The following KRT83 variants were observed in gnomAD, a reference collection of about 807,000 sequenced individuals.
KRT83 encodes the protein keratin, type II cuticular Hb3.
A neutral mutation model predicts 52.9 loss-of-function variants in KRT83; 51 were observed. That is an observed-to-expected ratio of 0.96 (90% confidence interval 0.77 to 1.22). KRT83 has a LOEUF of 1.22. Among genes scored for constraint, KRT83 ranks in the 50% most tolerant of loss-of-function variants. KRT83 has a pLI of 0.00. For synonymous variants in KRT83, 278 were observed against 274.1 expected (o/e 1.01, Z -0.14); for missense variants, 654 against 666.5 (o/e 0.98, Z 0.21).
chr12:52,320,640 A>G (rs1231876555), intron 1 of KRT83, among the ~76,000 whole-genome samples: 1 of 152,204 alleles, frequency 6.6e-6, no homozygotes, highest in East Asian at 1.9e-4. Flanking sequence ...GCATTTAAGC[A>G]GTTATTTGGC....
rs137864022 is a variant in KRT83 at position 52,317,500 on chromosome 12, C to T, written c.750+181G>A. ...CTCCTGCCCCTTACTAAATTTGTTCCTTTTTGGCTTTCCATCCGTTTGCCT... is the reference window on the plus strand; with the variant it reads ...CTCCTGCCCCTTACTAAATTTGTTCTTTTTTGGCTTTCCATCCGTTTGCCT... On this transcript the variant is annotated intron_variant, in intron 4 of 8. Transcript: ENST00000293670. Among the ~76,000 whole-genome samples, 52 of 152,272 alleles carry T rather than the reference C, an allele frequency of 3.4e-4. 1 individual carries two copies. Among genetic ancestry groups the T allele is most frequent in the Middle Eastern group, 3.4e-3 (1 of 294 alleles).
chr12:52,319,543 T>G (rs571096128), intron 1 of KRT83, among the ~76,000 whole-genome samples, 179 bp from the exon 2 acceptor site: 226 of 152,364 alleles, frequency 1.5e-3, no homozygotes, highest in Non-Finnish European at 1.7e-3. Flanking sequence ...ACCTGGAAGT[T>G]CTTCCTGGGA....
rs1321575879 is a variant in KRT83 at position 52,314,837 on chromosome 12, G to A, written c.1295-19C>T. Reference sequence around the variant, plus strand: ...CTGACACCTGTGGGAACAAGGGCAGGGTCAAGAGACCCCTGCTGATGGCCA... The same window carrying A: ...CTGACACCTGTGGGAACAAGGGCAGAGTCAAGAGACCCCTGCTGATGGCCA... On this transcript the variant is annotated intron_variant, in intron 8 of 8. Transcript: ENST00000293670. 2 of 1,592,758 alleles carry A rather than the reference G, an allele frequency of 1.3e-6. No homozygotes were observed. The highest frequency in any genetic ancestry group is 8.5e-7 in the Non-Finnish European group (1 of 1,169,922).
intron 8 of KRT83, among the ~76,000 whole-genome samples, 160 bp from the exon 9 acceptor site, chr12:52,314,978 C>T (rs902817832): frequency 1.3e-5 from 2 of 152,168 alleles, no homozygotes; most frequent in Admixed American, 6.5e-5. Flanking sequence ...GCCAGCAGAC[C>T]GGGGTTCTGG....
At chr12:52,315,493 C>G in intron 7 of KRT83, 150 bp from the exon 8 acceptor site, 5 of 832,564 alleles carry the variant, frequency 6.0e-6, no homozygotes, top group Non-Finnish European at 8.2e-6. Flanking sequence ...GCCTTTCTGG[C>G]AGTTGAAGCA....
At chr12:52,320,917 G>T (rs201780536) in intron 1 of KRT83, 35 bp downstream of exon 1, 154 of 1,613,726 alleles carry the variant, frequency 9.5e-5, no homozygotes, top group Middle Eastern at 6.8e-4. Flanking sequence ...CATGAGTAGG[G>T]GTTCAGGAAG....
rs761917074 is a variant in KRT83 at position 52,316,936 on chromosome 12, C to T, written c.838G>A (p.Val280Ile). The T allele has an allele frequency of 4.3e-6, 7 of 1,614,072 alleles. No homozygotes were observed. The highest frequency in any genetic ancestry group is 1.7e-5 in the Admixed American group (1 of 60,012). Residue 280 changes from valine to isoleucine, a missense_variant, in exon 5 of 9, where the codon GTT (valine) becomes ATT (isoleucine). By Grantham distance (29) the Val-to-Ile change is conservative. Coordinates refer to ENST00000293670, the MANE Select transcript of KRT83 (RefSeq NM_002282.3). ...NSRDLNMDCI[V>I]AEIKAQYDDI... ...TCATACTGTGCCTTGATCTCGGCAA[C>T]GATGCAGTCCATGTTCAGGTCCCGG...
At chr12:52,316,649 G>A (rs1938692734) in intron 5 of KRT83, 56 bp from the exon 6 acceptor site, 3 of 1,613,558 alleles carry the variant, frequency 1.9e-6, no homozygotes, top group Admixed American at 3.3e-5. Flanking sequence ...ATTCATTCAG[G>A]ACAGCTCAGA....
In KRT83 at chr12:52,318,661, G is replaced by A. The variant is rs560654490; in HGVS notation, c.593+495C>T. ...CAGATTCCTTCTGAGGATCCAGTGCGTATTCTTCATACCATATATCACACT... is the reference window on the plus strand; with the variant it reads ...CAGATTCCTTCTGAGGATCCAGTGCATATTCTTCATACCATATATCACACT... On this transcript the variant is annotated intron_variant, in intron 2 of 8. Transcript: ENST00000293670. Among the ~76,000 whole-genome samples, 72 of 152,302 alleles carry A rather than the reference G, an allele frequency of 4.7e-4. 1 individual carries two copies. Among genetic ancestry groups the A allele is most frequent in the African/African-American group, 1.5e-3 (63 of 41,552 alleles).
intron 1 of KRT83, among the ~76,000 whole-genome samples, chr12:52,320,287 A>T (rs1313750208): frequency 3.9e-5 from 6 of 152,132 alleles, no homozygotes; most frequent in Non-Finnish European, 7.3e-5. Flanking sequence ...CTTTTCTCCC[A>T]GTCTCTCACA....
chr12:52,320,308 A>G (rs1354079788), intron 1 of KRT83, among the ~76,000 whole-genome samples: 1 of 152,106 alleles, frequency 6.6e-6, no homozygotes, highest in Non-Finnish European at 1.5e-5. Flanking sequence ...TCACTGCCAC[A>G]TGGTGGTTGC....
chr12:52,316,261 T>C (rs952797739), intron 6 of KRT83, 148 bp from the exon 7 acceptor site: 2 of 810,426 alleles, frequency 2.5e-6, no homozygotes, highest in Non-Finnish European at 3.9e-6. Flanking sequence ...TCACTTACAC[T>C]ACACACACAC....
rs751797447 is a variant in KRT83, at chr12:52,321,140, G to T, written c.196C>A (p.Arg66Ser). 1 of 1,612,280 alleles carries T rather than the reference G, an allele frequency of 6.2e-7. No homozygotes were observed. Among genetic ancestry groups the T allele is most frequent in the Non-Finnish European group, 8.5e-7 (1 of 1,179,838 alleles). ...CGGFRAGSCG[R>S]SFGYRSGGVC... ...CCCCCGGAGCGGTAGCCGAAGCTGC[G>T]TCCGCAGGAGCCGGCGCGGAAGCCC... The change falls in exon 1 of 9, where the codon CGC (arginine) becomes AGC (serine). Residue 66 changes from arginine to serine, a missense_variant. By Grantham distance (110) the Arg-to-Ser change is moderately radical. Coordinates refer to ENST00000293670, the MANE Select transcript of KRT83 (RefSeq NM_002282.3).
At chr12:52,317,808 C>T in intron 3 of KRT83, 32 bp from the exon 4 acceptor site, 5 of 1,613,518 alleles carry the variant, frequency 3.1e-6, no homozygotes, top group Non-Finnish European at 4.2e-6. Flanking sequence ...GTGAGGCCGG[C>T]TTTCCTCAGA....
chr12:52,317,680 C>A lies in KRT83; in HGVS notation c.750+1G>T. The A allele has an allele frequency of 6.2e-7, 1 of 1,612,204 alleles. No individual in the cohort carries two copies. Among genetic ancestry groups the A allele is most frequent in the African/African-American group, 1.3e-5 (1 of 74,996 alleles). On this transcript the variant is annotated splice_donor_variant, in intron 4 of 8. Coordinates refer to ENST00000293670, the MANE Select transcript of KRT83 (RefSeq NM_002282.3). LOFTEE classifies it high-confidence loss of function. ...GCCCACCATGGTTGAGAGCCCCTCA[C>A]CTCCTCGTACAGCCGCCTCAGGAAG...
intron 7 of KRT83, 30 bp downstream of exon 7, chr12:52,315,863 G>A (rs749160349): frequency 1.9e-6 from 3 of 1,612,130 alleles, no homozygotes; most frequent in South Asian, 2.2e-5. Flanking sequence ...GTCTATGCAA[G>A]TGGAGTGCTT....
rs1393404646 is a variant in KRT83, at chr12:52,319,356, G to T, written c.393C>A (p.Phe131Leu). 1 of 1,613,896 alleles carries T rather than the reference G, an allele frequency of 6.2e-7. No individual in the cohort carries two copies. The highest frequency in any genetic ancestry group is 1.7e-5 in the Admixed American group (1 of 59,996). ...CCAGCAGCTTGTTCTGCTGCTCCAG[G>T]AAGCGCACCTGCCACCCAGAGGCAG... ...RFAAFIDKVR[F>L]LEQQNKLLET... The change falls in exon 2 of 9, where the codon TTC (phenylalanine) becomes TTA (leucine). Residue 131 changes from phenylalanine (F) to leucine (L), a missense_variant. Physicochemically the swap from Phe to Leu is conservative, Grantham distance 22. Coordinates refer to ENST00000293670, the MANE Select transcript of KRT83 (RefSeq NM_002282.3).
At chr12:52,318,042 G>T in intron 2 of KRT83, 72 bp from the exon 3 acceptor site, 1 of 1,408,340 alleles carries the variant, frequency 7.1e-7, no homozygotes. Context: ...ATATGCAAAG[G>T]AGTCTCTTTC....
Position 52,321,354 on chromosome 12 carries a change from T to C in KRT83, c.-19A>G. 2.5e-6 allele frequency: 4 copies of C among 1,613,602 alleles called. No homozygotes were observed. The highest frequency in any genetic ancestry group is 3.4e-6 in the Non-Finnish European group (4 of 1,179,992). The stretch of plus-strand genomic sequence containing the variant: ...AGGTCATGACGGAGGTTAGGAGGTG[T>C]CTGAACAGTGGAGTAGATGGCAGAG... On this transcript the variant is annotated 5_prime_UTR_variant, in exon 1 of 9. Coordinates refer to ENST00000293670, the MANE Select transcript of KRT83 (RefSeq NM_002282.3).
Sources: gnomAD v4.1 joint callset for allele counts (sites outside exome capture counted in the v4.1 genomes callset) on GRCh38, gnomAD v4.1.1 for gene constraint, MANE v1.5 for transcripts, NCBI Gene and HGNC (gene_info 2026-07-23, HGNC 2026-07-21) for gene names.